The following PAX2 variants were observed in gnomAD, a reference collection of about 807,000 sequenced individuals.
PAX2 encodes the protein paired box protein Pax-2.
In PAX2, 9 loss-of-function variants were observed where a neutral mutation model predicts 41.7. That is an observed-to-expected ratio of 0.22 (90% CI 0.13 to 0.38). The LOEUF is 0.38. Among genes scored for constraint, PAX2 ranks in the 10% least tolerant of loss-of-function variants. The pLI is 1.00. For synonymous variants in PAX2, 221 were observed against 212.7 expected, an observed-to-expected ratio of 1.04 and a Z score of -0.34; for missense variants, 418 against 531.6, an observed-to-expected ratio of 0.79 and a Z score of 2.10.
intron 5 of PAX2, among the ~76,000 whole-genome samples, chr10:100,783,210 T>C (rs1846704070): frequency 6.6e-6 from 1 of 152,370 alleles, no homozygotes; most frequent in African/African-American, 2.4e-5. Context: ...AGTGAACCTT[T>C]CCTGGACATC....
At chr10:100,743,398 T>C (rs553828805), upstream of PAX2, among the ~76,000 whole-genome samples, 1 of 150,884 alleles carries the variant, frequency 6.6e-6, no homozygotes, top group Non-Finnish European at 1.5e-5. Context: ...GTCTAGCTGG[T>C]TCTAGAAAAA....
intron 5 of PAX2, among the ~76,000 whole-genome samples, chr10:100,790,178 A>T (rs1215762087): frequency 6.6e-6 from 1 of 152,180 alleles, no homozygotes; most frequent in Non-Finnish European, 1.5e-5. Context: ...ATATTTTTTC[A>T]TACAATGCCA....
chr10:100,812,436 G>C (rs984641258), intron 7 of PAX2, among the ~76,000 whole-genome samples: 8 of 152,150 alleles, frequency 5.3e-5, no homozygotes, highest in African/African-American at 1.9e-4. Flanking sequence ...AATGGGTCAC[G>C]GGCATTCTGG....
chr10:100,799,774 GAAGT>G (rs1847474917), intron 5 of PAX2, among the ~76,000 whole-genome samples: 1 of 149,004 alleles, frequency 6.7e-6, no homozygotes, highest in South Asian at 2.1e-4. Context: ...TTAGAAAACT[GAAGT>G]TAGTGTAATT....
At chr10:100,742,308 C>T (rs1003690991), upstream of PAX2, among the ~76,000 whole-genome samples, 1 of 151,792 alleles carries the variant, frequency 6.6e-6, no homozygotes, top group Non-Finnish European at 1.5e-5. Context: ...CCTGGAGTCG[C>T]GCTTGGCTTG....
At chr10:100,755,723 T>C (rs558499336) in intron 3 of PAX2, among the ~76,000 whole-genome samples, 21 of 152,290 alleles carry the variant, frequency 1.4e-4, no homozygotes, top group African/African-American at 4.8e-4. Flanking sequence ...CCCATCTGTC[T>C]GCATGAAAAC....
intron 5 of PAX2, among the ~76,000 whole-genome samples, chr10:100,792,277 G>A (rs1419328303): frequency 6.6e-6 from 1 of 152,250 alleles, no homozygotes; most frequent in East Asian, 1.9e-4. Context: ...ATGGGTTCGT[G>A]CGTGTGTGCA....
chr10:100,802,514 C>A (rs1847599790), intron 5 of PAX2, among the ~76,000 whole-genome samples: 1 of 152,214 alleles, frequency 6.6e-6, no homozygotes, highest in African/African-American at 2.4e-5. Context: ...GATAGCACAT[C>A]TTTTGCTAGC....
intron 5 of PAX2, chr10:100,786,970 T>G: frequency 7.2e-7 from 1 of 1,389,338 alleles, no homozygotes; most frequent in Non-Finnish European, 9.7e-7. Flanking sequence ...CCTGCCCACA[T>G]TAGAGGAGGT....
At chr10:100,816,978 C>T (rs1188851783) in intron 7 of PAX2, among the ~76,000 whole-genome samples, 1 of 152,184 alleles carries the variant, frequency 6.6e-6, no homozygotes, top group Admixed American at 6.5e-5. Flanking sequence ...GCTGACAATT[C>T]AGTGCTCTCA....
In PAX2 at chr10:100,748,961, C is replaced by A. The variant is rs1010232037; in HGVS notation, c.44-785C>A. ...CGGCAGGCAGGCGAGCCCAAGCAGC[C>A]GGCATTCTCTGCCTGCTGCCTGGAG... On this transcript the variant is annotated intron_variant, in intron 1 of 9. Coordinates refer to ENST00000355243, the MANE Select transcript of PAX2 (RefSeq NM_000278.5). The surrounding 1 kb of genome is among the most constrained non-coding windows in gnomAD (Gnocchi z 5.0). 9 of 985,386 alleles carry A rather than the reference C, an allele frequency of 9.1e-6. No homozygotes were observed. Among genetic ancestry groups the A allele is most frequent in the Non-Finnish European group, 1.1e-5 (9 of 829,924 alleles). The allele number at this position is 985,386 out of a possible 1,614,324, so 61.0% of individuals were successfully genotyped here.
At chr10:100,809,859 G>A (rs1469397657) in intron 7 of PAX2, among the ~76,000 whole-genome samples, 1 of 152,166 alleles carries the variant, frequency 6.6e-6, no homozygotes, top group Non-Finnish European at 1.5e-5. Context: ...AGCTAGGGGC[G>A]CCATGGCCAG....
rs11190717 is a variant in PAX2 at position 100,824,840 on chromosome 10, G to C, written c.1021+91G>C. The stretch of plus-strand genomic sequence containing the variant: ...ATGGTCTGTAGTCTGAGGCTGGGGT[G>C]GGGGGAGACACAACGTCCCCTCCCT... On this transcript the variant is annotated intron_variant, in intron 8 of 9. Coordinates refer to ENST00000355243, the MANE Select transcript of PAX2 (RefSeq NM_000278.5). This position sits in a 1 kb window ranked among gnomAD's most constrained non-coding sequence, Gnocchi z 6.6. 7.3e-6 allele frequency: 11 copies of C among 1,507,022 alleles called. No individual in the cohort carries two copies. The highest frequency in any genetic ancestry group is 1.7e-4 in the Middle Eastern group (1 of 5,898). 93.4% of individuals were successfully genotyped at this position (1,507,022 alleles called of 1,614,324 possible). A position where few individuals can be genotyped will look rare whatever the true frequency, so the allele number is the denominator to read the frequency against.
At chr10:100,779,820 A>G (rs1344624048) in intron 4 of PAX2, among the ~76,000 whole-genome samples, 2 of 146,534 alleles carry the variant, frequency 1.4e-5, no homozygotes, top group African/African-American at 2.5e-5. Flanking sequence ...GTCAGTCCCT[A>G]TCCTCTCCCC....
In PAX2 at chr10:100,806,588, C is replaced by A. The variant is rs896457846; in HGVS notation, c.775C>A (p.His259Asn). 2 of 1,613,864 alleles carry A rather than the reference C, an allele frequency of 1.2e-6. No individual in the cohort carries two copies. Among genetic ancestry groups the A allele is most frequent in the Non-Finnish European group, 8.5e-7 (1 of 1,179,986 alleles). ...SYPDVFQASE[H>N]IKSEQGNEYS... Reference sequence around the variant, plus strand: ...CCCTGACGTCTTCCAGGCATCAGAGCACATCAAATCAGAACAGGTGAGGAG... The same window carrying A: ...CCCTGACGTCTTCCAGGCATCAGAGAACATCAAATCAGAACAGGTGAGGAG... The change falls in exon 6 of 10, where the codon CAC (histidine) becomes AAC (asparagine). Residue 259 changes from histidine (H) to asparagine (N), a missense_variant. Coordinates refer to ENST00000355243, the MANE Select transcript of PAX2 (RefSeq NM_000278.5).
Position 100,824,505 on chromosome 10 carries a change from G to A in PAX2, c.920-143G>A. ...AGGCACACTCAGATGGCGCATTCAG[G>A]TGCACAGTGGCACACATACCCCTGC... On this transcript the variant is annotated intron_variant, in intron 7 of 9. Coordinates refer to ENST00000355243, the MANE Select transcript of PAX2 (RefSeq NM_000278.5). This position sits in a 1 kb window ranked among gnomAD's most constrained non-coding sequence, Gnocchi z 6.6. 1.4e-6 allele frequency: 1 copy of A among 729,042 alleles called. No individual in the cohort carries two copies. Among genetic ancestry groups the A allele is most frequent in the South Asian group, 1.5e-5 (1 of 66,930 alleles). The allele number at this position is 729,042 out of a possible 1,614,324, so 45.2% of individuals were successfully genotyped here. A position where few individuals can be genotyped will look rare whatever the true frequency, so the allele number is the denominator to read the frequency against.
intron 3 of PAX2, among the ~76,000 whole-genome samples, chr10:100,774,274 G>T (rs917365502): frequency 6.6e-6 from 1 of 152,162 alleles, no homozygotes; most frequent in African/African-American, 2.4e-5. Flanking sequence ...AGAGGTGGGG[G>T]TCTTCCGGGA....
chr10:100,799,184 G>A (rs1427788408), intron 5 of PAX2, among the ~76,000 whole-genome samples: 1 of 151,914 alleles, frequency 6.6e-6, no homozygotes, highest in Non-Finnish European at 1.5e-5. Context: ...GCTGGCCCCT[G>A]AGCCCCACTG....
At chr10:100,775,152 C>A (rs898647804) in intron 3 of PAX2, among the ~76,000 whole-genome samples, 3 of 152,208 alleles carry the variant, frequency 2.0e-5, no homozygotes, top group Non-Finnish European at 4.4e-5. Context: ...CAGAACTTGA[C>A]CTTCCAGGTC....
Sources: allele counts gnomAD v4.1 joint callset (sites outside exome capture counted in the v4.1 genomes callset), GRCh38; gene constraint gnomAD v4.1.1; non-coding constraint Gnocchi (gnomAD v3.1); transcripts MANE v1.5; gene names NCBI Gene and HGNC (gene_info 2026-07-23, HGNC 2026-07-21).